Variants in SAP30BP observed in about 807,000 individuals in gnomAD.
SAP30BP encodes SAP30 binding protein.
A neutral mutation model predicts 46.3 loss-of-function variants in SAP30BP; 31 were observed. That is an observed-to-expected ratio of 0.67 (90% CI 0.50 to 0.90). The LOEUF (loss-of-function observed/expected upper bound fraction) is 0.90. Ranked by LOEUF, SAP30BP falls within the 40% of genes least tolerant of loss-of-function variation. The pLI, the probability that SAP30BP is intolerant of heterozygous loss-of-function variation, is 0.00. For synonymous variants in SAP30BP, 169 were observed against 144.2 expected, an observed-to-expected ratio of 1.17 and a Z score of -1.23; for missense variants, 312 against 391.0, an observed-to-expected ratio of 0.80 and a Z score of 1.70.
At chr17:75,705,811 A>G (rs768975273) in intron 9 of SAP30BP, 197 bp from the exon 10 acceptor site, 85 of 1,047,920 alleles carry the variant, frequency 8.1e-5, no homozygotes, top group Middle Eastern at 2.9e-4. Context: ...ACTGTTTGGA[A>G]AGTTCTTTTA....
intron 4 of SAP30BP, among the ~76,000 whole-genome samples, chr17:75,699,524 G>A (rs2060374508): frequency 6.7e-6 from 1 of 148,630 alleles, no homozygotes. Flanking sequence ...AAAAAAAAAC[G>A]GAAAAGTTAA....
At position 75,667,414 on chromosome 17, in the gene SAP30BP, C is replaced by T; in HGVS notation, c.42C>T (p.Tyr14=). ...ATGTTCTGTCGTCTCTCGCAGTTTACGCGGAAGATTCAGAGCCCGAGTCTG... is the reference window on the plus strand; with the variant it reads ...ATGTTCTGTCGTCTCTCGCAGTTTATGCGGAAGATTCAGAGCCCGAGTCTG... ...KKNVLSSLAV[Y]AEDSEPESDG... The change falls in exon 1 of 11, where the codon TAC becomes TAT. Residue 14 remains tyrosine (Y), a synonymous_variant. Coordinates refer to ENST00000584667, the MANE Select transcript of SAP30BP (RefSeq NM_013260.8). 3.7e-6 allele frequency: 6 copies of T among 1,614,172 alleles called. No individual in the cohort carries two copies. Among genetic ancestry groups the T allele is most frequent in the African/African-American group, 1.3e-5 (1 of 75,044 alleles).
intron 3 of SAP30BP, among the ~76,000 whole-genome samples, chr17:75,687,987 A>G (rs2060187001): frequency 6.7e-6 from 1 of 148,182 alleles, no homozygotes; most frequent in African/African-American, 2.5e-5. Context: ...GTGCTTGAGC[A>G]CCTTCTGTGG....
Position 75,706,278 on chromosome 17 carries a change from G to A in SAP30BP, c.746-62G>A, listed in dbSNP as rs1255440803. On this transcript the variant is annotated intron_variant, in intron 10 of 10. Coordinates refer to ENST00000584667, the MANE Select transcript of SAP30BP (RefSeq NM_013260.8). This position sits in a 1 kb window ranked among gnomAD's most constrained non-coding sequence, Gnocchi z 4.6. ...CCTAGACTCCCGCTGGCCTGCAGGG[G>A]GAAGGGAAAGAGGGCACCGCTCATT... The A allele has an allele frequency of 6.4e-6, 10 of 1,569,358 alleles. No homozygotes were observed. Among genetic ancestry groups the A allele is most frequent in the Admixed American group, 1.7e-5 (1 of 59,356 alleles).
chr17:75,696,547 TAAAA>T (rs1181756216), intron 4 of SAP30BP, among the ~76,000 whole-genome samples: 3 of 134,816 alleles, frequency 2.2e-5, no homozygotes, highest in Non-Finnish European at 3.2e-5. Context: ...CCATCTCAAT[TAAAA>T]AAAAAAAAAA....
intron 3 of SAP30BP, among the ~76,000 whole-genome samples, chr17:75,682,985 G>A (rs2148390603): frequency 6.7e-6 from 1 of 148,980 alleles, no homozygotes; most frequent in Admixed American, 6.7e-5. Context: ...AAAAAGAATT[G>A]TATGGTATAG....
intron 3 of SAP30BP, among the ~76,000 whole-genome samples, chr17:75,691,171 A>C (rs2060236192): frequency 6.6e-6 from 1 of 152,012 alleles, no homozygotes; most frequent in Non-Finnish European, 1.5e-5. Context: ...TTGCGAGTTG[A>C]GGGTGTACTC....
chr17:75,696,153 C>T (rs2060314251), intron 4 of SAP30BP, among the ~76,000 whole-genome samples: 1 of 152,170 alleles, frequency 6.6e-6, no homozygotes, highest in African/African-American at 2.4e-5. Context: ...ACCCATCAGA[C>T]CCAGGCAGCA....
chr17:75,702,649 G>T, intron 6 of SAP30BP, 78 bp downstream of exon 6: 1 of 669,750 alleles, frequency 1.5e-6, no homozygotes, highest in Non-Finnish European at 2.6e-6. Flanking sequence ...CAAGGAGGTG[G>T]TGAGGAAAAG....
chr17:75,703,701 C>G (rs991799044), intron 7 of SAP30BP, 107 bp from the exon 8 acceptor site: 11 of 994,772 alleles, frequency 1.1e-5, no homozygotes, highest in Non-Finnish European at 1.6e-5. Context: ...ACAGCCGAGC[C>G]CCGGGTAAGG....
At chr17:75,685,090 C>T (rs2148394167) in intron 3 of SAP30BP, among the ~76,000 whole-genome samples, 1 of 152,328 alleles carries the variant, frequency 6.6e-6, no homozygotes, top group East Asian at 1.9e-4. Context: ...CACCTCACTC[C>T]TGTGGTTCCA....
At chr17:75,686,026 T>C (rs1680559408) in intron 3 of SAP30BP, among the ~76,000 whole-genome samples, 1 of 152,256 alleles carries the variant, frequency 6.6e-6, no homozygotes. Context: ...TGAAGTCTAG[T>C]TGGTTGTAAC....
At chr17:75,673,109 T>C (rs2059931296) in intron 3 of SAP30BP, among the ~76,000 whole-genome samples, 1 of 152,196 alleles carries the variant, frequency 6.6e-6, no homozygotes, top group Non-Finnish European at 1.5e-5. Context: ...TTTGAGCTGA[T>C]TCTGTGATTG....
chr17:75,668,545 T>C lies in SAP30BP; in HGVS notation c.136T>C (p.Tyr46His). 1.3e-6 allele frequency: 2 copies of C among 1,597,520 alleles called. No homozygotes were observed. The highest frequency in any genetic ancestry group is 8.5e-7 in the Non-Finnish European group (1 of 1,173,236). ...EEKGGLVSDA[Y>H]GEDDFSRLGG... ...GAAAGGCGGATTGGTATCTGATGCC[T>C]ATGGGGAGGATGACTTTTCTCGTCT... is the stretch of plus-strand genomic sequence containing the variant. The change falls in exon 2 of 11, where the codon TAT (tyrosine) becomes CAT (histidine). Residue 46 changes from tyrosine to histidine, a missense_variant. By Grantham distance (83) the Tyr-to-His change is moderately conservative. Transcript: ENST00000584667.
intron 3 of SAP30BP, among the ~76,000 whole-genome samples, chr17:75,678,791 G>T (rs944234649): frequency 6.6e-6 from 1 of 152,172 alleles, no homozygotes; most frequent in Non-Finnish European, 1.5e-5. Context: ...GACTCGGGAA[G>T]AGCCGGGGTT....
Position 75,667,339 on chromosome 17 carries a change from T to C in SAP30BP, c.-34T>C. ...GCCCGGAAGTCGGCGTCTTGAGTCATAGGAGTGAGCCACGCCCGGGCTGTG... is the reference window on the plus strand; with the variant it reads ...GCCCGGAAGTCGGCGTCTTGAGTCACAGGAGTGAGCCACGCCCGGGCTGTG... On this transcript the variant is annotated 5_prime_UTR_variant, in exon 1 of 11. Coordinates refer to ENST00000584667, the MANE Select transcript of SAP30BP (RefSeq NM_013260.8). The C allele has an allele frequency of 4.4e-6, 7 of 1,607,858 alleles. No individual in the cohort carries two copies. The highest frequency in any genetic ancestry group is 4.3e-6 in the Non-Finnish European group (5 of 1,174,726).
At chr17:75,682,088 A>G (rs935241119) in intron 3 of SAP30BP, among the ~76,000 whole-genome samples, 13 of 151,650 alleles carry the variant, frequency 8.6e-5, no homozygotes, top group African/African-American at 2.4e-4. Context: ...ATGTTTTTAT[A>G]TTGTGTTTAT....
chr17:75,697,330 A>T (rs1056007183), intron 4 of SAP30BP, among the ~76,000 whole-genome samples: 3 of 152,124 alleles, frequency 2.0e-5, no homozygotes, highest in Non-Finnish European at 4.4e-5. Flanking sequence ...AGCTCCCCCC[A>T]GCTGATTCCA....
intron 9 of SAP30BP, chr17:75,705,754 G>A (rs1293849574): frequency 4.5e-6 from 5 of 1,108,722 alleles, no homozygotes; most frequent in Non-Finnish European, 5.8e-6. Context: ...GTGGGCGGGG[G>A]GTGCCGGGCA....
Sources: gnomAD v4.1 joint callset for allele counts (sites outside exome capture counted in the v4.1 genomes callset) on GRCh38, gnomAD v4.1.1 for gene constraint, Gnocchi (gnomAD v3.1) non-coding constraint, MANE v1.5 for transcripts, NCBI Gene and HGNC (gene_info 2026-07-23, HGNC 2026-07-21) for gene names.